The following OR9I1 variants were observed in gnomAD, a reference collection of about 807,000 sequenced individuals.
OR9I1 encodes olfactory receptor 9I1.
Under a neutral mutation model 11.2 loss-of-function variants are expected in OR9I1, and 7 were observed. That is an observed-to-expected ratio of 0.62 (90% CI 0.36 to 1.17). OR9I1 has a LOEUF of 1.17. Among genes scored for constraint, OR9I1 ranks in the 50% most tolerant of loss-of-function variants. OR9I1 has a pLI of 0.02. For synonymous variants in OR9I1, 165 were observed against 153.4 expected, an observed-to-expected ratio of 1.08 and a Z score of -0.56; for missense variants, 428 against 377.2, an observed-to-expected ratio of 1.13 and a Z score of -1.12.
chr11:58,119,047 G>A lies in OR9I1; in HGVS notation c.398C>T (p.Thr133Ile), dbSNP rs745948398. The change falls in exon 3 of 3, where the codon ACC becomes ATC. Residue 133 changes from threonine to isoleucine, a missense_variant. Transcript: ENST00000641439. ...GCAGAGCCTGGGATTCATGGCCACG[G>A]TATAGAGCAGTGGGTTGCGAATGGC... The part of the protein sequence containing the change: ...YAAIRNPLLY[T>I]VAMNPRLCWS... 2 of 1,614,044 alleles carry A rather than the reference G, an allele frequency of 1.2e-6. 1 individual carries two copies. The highest frequency in any genetic ancestry group is 2.2e-5 in the South Asian group (2 of 91,082).
Position 58,119,262 on chromosome 11 carries a change from G to A in OR9I1, c.183C>T (p.Phe61=), listed in dbSNP as rs1161194062. 2.5e-6 allele frequency: 4 copies of A among 1,614,014 alleles called. No individual in the cohort carries two copies. Among genetic ancestry groups the A allele is most frequent in the South Asian group, 2.2e-5 (2 of 91,068 alleles). ...CCAGCAGGGAGAGGTGGCTCAGGAA[G>A]AAGTACATTGGGGTGTAGAGTTTGA... ...VDVKLYTPMY[F]FLSHLSLLDA... is the part of the protein sequence containing the mutation. Residue 61 remains phenylalanine, a synonymous_variant, in exon 3 of 3, where the codon TTC becomes TTT. Coordinates refer to ENST00000641439, the MANE Select transcript of OR9I1 (RefSeq NM_001005211.2).
chr11:58,119,419 A>G lies in OR9I1; in HGVS notation c.26T>C (p.Val9Ala). The G allele has an allele frequency of 6.2e-7, 1 of 1,610,758 alleles. No individual in the cohort carries two copies. Among genetic ancestry groups the G allele is most frequent in the Non-Finnish European group, 8.5e-7 (1 of 1,177,942 alleles). The change falls in exon 3 of 3, where the codon GTA (valine) becomes GCA (alanine). Residue 9 changes from valine (V) to alanine (A), a missense_variant. Physicochemically the swap from Val to Ala is moderately conservative, Grantham distance 64. Transcript: ENST00000641439. MAKNNLTRVTEFILMGFMD... is the reference protein window; with the variant it reads MAKNNLTRATEFILMGFMD... ...AAAGCCCATGAGAATGAATTCGGTT[A>G]CTCTGGTGAGATTATTCTTGGCCAT...
At position 58,118,724 on chromosome 11, in the gene OR9I1, A is replaced by T; in HGVS notation, c.721T>A (p.Cys241Ser). The T allele has an allele frequency of 6.2e-7, 1 of 1,614,082 alleles. No individual in the cohort carries two copies. The highest frequency in any genetic ancestry group is 8.5e-7 in the Non-Finnish European group (1 of 1,179,974). ...GCCACAGCAGTGATGTGAGAGGCAC[A>T]TGTGGAGAAAGTCTTGGCCCTGCCA... ...SGGRAKTFST[C>S]ASHITAVALF... Residue 241 changes from cysteine to serine, a missense_variant, in exon 3 of 3, where the codon TGT becomes AGT. Cys to Ser is a moderately radical substitution (Grantham distance 112, BLOSUM62 -1). Transcript: ENST00000641439.
Position 58,119,378 on chromosome 11 carries a change from A to G in OR9I1, c.67T>C (p.Leu23=), listed in dbSNP as rs745780355. Residue 23 remains leucine (L), a synonymous_variant, in exon 3 of 3, where the codon TTG becomes CTG. Transcript: ENST00000641439. ...AACACCAGAAAGAGGGGAATCTCCAATTTGGGGTGGTCCATAAAGCCCATG... is the reference window on the plus strand; with the variant it reads ...AACACCAGAAAGAGGGGAATCTCCAGTTTGGGGTGGTCCATAAAGCCCATG... ...ILMGFMDHPK[L]EIPLFLVFLS... 11 of 1,613,824 alleles carry G rather than the reference A, an allele frequency of 6.8e-6. No individual in the cohort carries two copies. The highest frequency in any genetic ancestry group is 1.3e-5 in the African/African-American group (1 of 74,912).
chr11:58,120,020 T>C (rs1211209193), intron 2 of OR9I1, among the ~76,000 whole-genome samples: 2 of 152,222 alleles, frequency 1.3e-5, no homozygotes, highest in African/African-American at 4.8e-5. Flanking sequence ...CACATTGATA[T>C]ATTTTCCGTC....
intron 2 of OR9I1, among the ~76,000 whole-genome samples, chr11:58,120,666 C>T (rs913209537): frequency 1.3e-5 from 2 of 151,280 alleles, no homozygotes; most frequent in African/African-American, 4.9e-5. Flanking sequence ...ATGTTGGCTA[C>T]TTTTGTTGTT....
chr11:58,118,701 C>T lies in OR9I1; in HGVS notation c.744G>A (p.Val248=). 1.9e-6 allele frequency: 3 copies of T among 1,614,048 alleles called. No homozygotes were observed. In the South Asian group the frequency reaches 3.3e-5, roughly 18 times the overall value. ...AGATAAGGGCTCCAAAGAAAAGGGC[C>T]ACAGCAGTGATGTGAGAGGCACATG... ...FSTCASHITA[V]ALFFGALIFM... The change falls in exon 3 of 3, where the codon GTG becomes GTA. Residue 248 remains valine (V), a synonymous_variant. Transcript: ENST00000641439.
intron 2 of OR9I1, among the ~76,000 whole-genome samples, chr11:58,121,686 G>A (rs1854034180): frequency 6.6e-6 from 1 of 152,158 alleles, no homozygotes. Flanking sequence ...GTTTGATGAA[G>A]CCATGAATAT....
At position 58,118,668 on chromosome 11, in the gene OR9I1, A is replaced by G; in HGVS notation, c.777T>C (p.Tyr259=). ...ALFFGALIFM[Y]LQSGSGKSLE... ...GAGATTTGCCTGAGCCACTTTGCAG[A>G]TACATGAAGATAAGGGCTCCAAAGA... The change falls in exon 3 of 3, where the codon TAT becomes TAC. Residue 259 remains tyrosine (Y), a synonymous_variant. Coordinates refer to ENST00000641439, the MANE Select transcript of OR9I1 (RefSeq NM_001005211.2). 1.2e-6 allele frequency: 2 copies of G among 1,614,050 alleles called. No homozygotes were observed. The highest frequency in any genetic ancestry group is 8.5e-7 in the Non-Finnish European group (1 of 1,179,990).
At position 58,118,478 on chromosome 11, in the gene OR9I1, C is replaced by T. The variant is rs1328888594; in HGVS notation, c.*22G>A. On this transcript the variant is annotated 3_prime_UTR_variant, in exon 3 of 3. Coordinates refer to ENST00000641439, the MANE Select transcript of OR9I1 (RefSeq NM_001005211.2). ...CATATGGGAAGAAAGTGGACTAAAA[C>T]AAGAATTCCTCTTACTTAGATCTAC... is the stretch of plus-strand genomic sequence containing the variant. The T allele has an allele frequency of 6.7e-7, 1 of 1,494,464 alleles. No individual in the cohort carries two copies. Among genetic ancestry groups the T allele is most frequent in the East Asian group, 2.3e-5 (1 of 44,202 alleles). The allele number at this position is 1,494,464 out of a possible 1,614,324, so 92.6% of individuals were successfully genotyped here. A position where few individuals can be genotyped will look rare whatever the true frequency, so the allele number is the denominator to read the frequency against.
rs1427922938 is a variant in OR9I1, at chr11:58,119,380, T to C, written c.65A>G (p.Lys22Arg). 6.2e-7 allele frequency: 1 copy of C among 1,613,686 alleles called. No homozygotes were observed. The highest frequency in any genetic ancestry group is 8.5e-7 in the Non-Finnish European group (1 of 1,179,826). ...CACCAGAAAGAGGGGAATCTCCAAT[T>C]TGGGGTGGTCCATAAAGCCCATGAG... ...FILMGFMDHP[K>R]LEIPLFLVFL... The change falls in exon 3 of 3, where the codon AAA (lysine) becomes AGA (arginine). Residue 22 changes from lysine (K) to arginine (R), a missense_variant. Coordinates refer to ENST00000641439, the MANE Select transcript of OR9I1 (RefSeq NM_001005211.2).
chr11:58,124,724 G>C (rs944865205), intron 1 of OR9I1, 85 bp from the exon 2 acceptor site: 1 of 152,128 alleles, frequency 6.6e-6, no homozygotes, highest in African/African-American at 2.4e-5. Context: ...TTTTGCTTGA[G>C]GTTTCACAGC....
At chr11:58,122,056 C>T (rs1292020149) in intron 2 of OR9I1, among the ~76,000 whole-genome samples, 1 of 152,116 alleles carries the variant, frequency 6.6e-6, no homozygotes, top group Non-Finnish European at 1.5e-5. Context: ...GGTCTAATTC[C>T]ACTGGGACCT....
rs1853974497 is a variant in OR9I1, at chr11:58,117,947, C to A, written c.*553G>T. The stretch of plus-strand genomic sequence containing the variant: ...TCTAAGCGGGTGACACAAGTCTCTT[C>A]TGAAGAGAGAAGTTCATTTCTCAAA... On this transcript the variant is annotated 3_prime_UTR_variant, in exon 3 of 3. Transcript: ENST00000641439. 1.3e-5 allele frequency: 2 copies of A among 152,404 alleles called. No individual in the cohort carries two copies. Among genetic ancestry groups the A allele is most frequent in the African/African-American group, 4.8e-5 (2 of 41,452 alleles). 9.4% of individuals were successfully genotyped at this position (152,404 alleles called of 1,614,324 possible). A position where few individuals can be genotyped will look rare whatever the true frequency, so the allele number is the denominator to read the frequency against.
chr11:58,123,025 A>G (rs1245020251), intron 2 of OR9I1, among the ~76,000 whole-genome samples: 1 of 152,010 alleles, frequency 6.6e-6, no homozygotes, highest in African/African-American at 2.4e-5. Flanking sequence ...TTACTTATCA[A>G]TTCTACTAGA....
Position 58,119,463 on chromosome 11 carries a change from T to C in OR9I1, c.-19A>G. 2 of 1,416,210 alleles carry C rather than the reference T, an allele frequency of 1.4e-6. No homozygotes were observed. The highest frequency in any genetic ancestry group is 2.5e-5 in the South Asian group (2 of 80,150). 87.7% of individuals were successfully genotyped at this position (1,416,210 alleles called of 1,614,324 possible). On this transcript the variant is annotated 5_prime_UTR_variant, in exon 3 of 3. Coordinates refer to ENST00000641439, the MANE Select transcript of OR9I1 (RefSeq NM_001005211.2). Reference sequence around the variant, plus strand: ...TGGCCATGGAGACAATGTGGACTGTTGGTCTGAGGATGATAATGAAATAAA... The same window carrying C: ...TGGCCATGGAGACAATGTGGACTGTCGGTCTGAGGATGATAATGAAATAAA...
In OR9I1 at chr11:58,119,300, T is replaced by C; in HGVS notation, c.145A>G (p.Ile49Val). 1 of 1,613,870 alleles carries C rather than the reference T, an allele frequency of 6.2e-7. No individual in the cohort carries two copies. The highest frequency in any genetic ancestry group is 8.5e-7 in the Non-Finnish European group (1 of 1,179,900). ...LLGNVGMIML[I>V]QVDVKLYTPM... Reference sequence around the variant, plus strand: ...GTGTAGAGTTTGACATCTACTTGGATTAACATAATCATCCCCACATTCCCA... The same window carrying C: ...GTGTAGAGTTTGACATCTACTTGGACTAACATAATCATCCCCACATTCCCA... Residue 49 changes from isoleucine (I) to valine (V), a missense_variant, in exon 3 of 3, where the codon ATC becomes GTC. Transcript: ENST00000641439.
At chr11:58,121,456 A>G (rs1362004264) in intron 2 of OR9I1, among the ~76,000 whole-genome samples, 3 of 152,168 alleles carry the variant, frequency 2.0e-5, no homozygotes, top group African/African-American at 7.2e-5. Context: ...ATCCTACTGG[A>G]CAGGTGACAT....
chr11:58,125,237 C>T, intron 1 of OR9I1, 37 bp downstream of exon 1: 1 of 72,732 alleles, frequency 1.4e-5, no homozygotes, highest in Non-Finnish European at 2.4e-5. Flanking sequence ...CCCTTACCCA[C>T]CGCCCCCCCC....
Sources: allele counts gnomAD v4.1 joint callset (sites outside exome capture counted in the v4.1 genomes callset), GRCh38; gene constraint gnomAD v4.1.1; transcripts MANE v1.5; gene names NCBI Gene and HGNC (gene_info 2026-07-23, HGNC 2026-07-21).